Variants in ANK1 observed in about 807,000 individuals in gnomAD.
ANK1 encodes the protein ankyrin-1.
Under a neutral mutation model 210.4 loss-of-function variants are expected in ANK1, and 51 were observed. The observed-to-expected ratio is 0.24, with a 90% CI of 0.19 to 0.31. The LOEUF is 0.31. Among genes scored for constraint, ANK1 ranks in the 10% least tolerant of loss-of-function variants. ANK1 has a pLI of 1.00. For synonymous variants in ANK1, 967 were observed against 1,025.9 expected (o/e 0.94, Z 1.10); for missense variants, 2,051 against 2,504.4 (o/e 0.82, Z 3.86).
chr8:41,795,417 G>A (rs994845491), intron 1 of ANK1, among the ~76,000 whole-genome samples: 7 of 152,098 alleles, frequency 4.6e-5, no homozygotes, highest in Non-Finnish European at 7.4e-5. Flanking sequence ...GCTGAGGCAC[G>A]AGGATTGCTT....
intron 22 of ANK1, among the ~76,000 whole-genome samples, chr8:41,701,176 T>C (rs940680782): frequency 6.6e-6 from 1 of 152,204 alleles, no homozygotes; most frequent in Non-Finnish European, 1.5e-5. Context: ...AATAATCCAC[T>C]TAGTATTCGT....
chr8:41,727,622 C>T (rs1192944908), intron 4 of ANK1, among the ~76,000 whole-genome samples: 1 of 152,232 alleles, frequency 6.6e-6, no homozygotes, highest in Non-Finnish European at 1.5e-5. Flanking sequence ...ACACCTCATT[C>T]CCCCAGTCCT....
At chr8:41,800,387 GGTTTCTACCCAA>G (rs1849676677), upstream of ANK1, among the ~76,000 whole-genome samples, 1 of 152,212 alleles carries the variant, frequency 6.6e-6, no homozygotes, top group Non-Finnish European at 1.5e-5. Context: ...CACGGTGCCA[GGTTTCTACCCAA>G]GCCATTTGGA....
intron 35 of ANK1, 116 bp from the exon 36 acceptor site, chr8:41,686,399 G>C: frequency 1.5e-6 from 2 of 1,333,836 alleles, no homozygotes; most frequent in Non-Finnish European, 2.1e-6. Flanking sequence ...GGGAGCACAG[G>C]GAGCTCTGAG....
chr8:41,702,265 C>T, intron 20 of ANK1, 121 bp from the exon 21 acceptor site: 1 of 762,234 alleles, frequency 1.3e-6, no homozygotes, highest in South Asian at 1.7e-5. Flanking sequence ...AGTGGACAGA[C>T]GTCACCGTGG....
intron 1 of ANK1, among the ~76,000 whole-genome samples, chr8:41,894,817 G>A (rs1820148924): frequency 6.6e-6 from 1 of 151,774 alleles, no homozygotes; most frequent in Non-Finnish European, 1.5e-5. Context: ...ACGGGCTCTG[G>A]TATTTTAGAC....
At chr8:41,821,473 C>T (rs1158863637) in intron 1 of ANK1, among the ~76,000 whole-genome samples, 4 of 152,040 alleles carry the variant, frequency 2.6e-5, no homozygotes, top group African/African-American at 9.7e-5. Context: ...GTCATTCAAC[C>T]GTAGGGCTTT....
At chr8:41,745,000 C>A (rs1835741741) in intron 2 of ANK1, among the ~76,000 whole-genome samples, 1 of 152,062 alleles carries the variant, frequency 6.6e-6, no homozygotes, top group Non-Finnish European at 1.5e-5. Context: ...TGAGACATGA[C>A]AACTAAATGC....
chr8:41,803,090 A>AAGG (rs777806034), intron 1 of ANK1, among the ~76,000 whole-genome samples: 30 of 24,940 alleles, frequency 1.2e-3, no homozygotes, highest in Middle Eastern at 0.019. Flanking sequence ...GAAGGGAAGG[A>AAGG]AAGGAAAGGA....
chr8:41,686,820 C>T (rs1312492631), intron 35 of ANK1, among the ~76,000 whole-genome samples: 1 of 152,170 alleles, frequency 6.6e-6, no homozygotes, highest in Non-Finnish European at 1.5e-5. Flanking sequence ...AAATGCAAGG[C>T]AATAATGCAG....
intron 1 of ANK1, among the ~76,000 whole-genome samples, chr8:41,882,283 A>G (rs917676329): frequency 3.3e-5 from 5 of 152,216 alleles, no homozygotes; most frequent in East Asian, 3.9e-4. Flanking sequence ...TGCAGGCCCC[A>G]CGCCCTGGGG....
chr8:41,722,674 C>T (rs1307431721), intron 9 of ANK1, among the ~76,000 whole-genome samples: 2 of 152,328 alleles, frequency 1.3e-5, no homozygotes, highest in East Asian at 1.9e-4. Flanking sequence ...GTACTTAGTG[C>T]CTGTCTTTTC....
chr8:41,738,794 C>T (rs957549709), intron 2 of ANK1, among the ~76,000 whole-genome samples: 6 of 152,178 alleles, frequency 3.9e-5, no homozygotes, highest in East Asian at 3.8e-4. Flanking sequence ...ATCTTTTCGG[C>T]GACTCCATCT....
At chr8:41,893,436 A>G (rs766529600) in intron 1 of ANK1, among the ~76,000 whole-genome samples, 1 of 152,178 alleles carries the variant, frequency 6.6e-6, no homozygotes, top group Non-Finnish European at 1.5e-5. Context: ...CCCTGCGTCG[A>G]GGTGGCTTCT....
chr8:41,874,382 C>T (rs1020965117), intron 1 of ANK1, among the ~76,000 whole-genome samples: 2 of 152,116 alleles, frequency 1.3e-5, no homozygotes, highest in Non-Finnish European at 2.9e-5. Context: ...TGCACTGGGC[C>T]CAGGAAAAAG....
At position 41,686,257 on chromosome 8, in the gene ANK1, C is replaced by T; in HGVS notation, c.4285G>A (p.Val1429Met). ...AELARELQFS[V>M]EDINRIRVEN... is the part of the protein sequence containing the mutation. ...ACTCGGATCCTGTTGATGTCTTCCA[C>T]ACTGAACTGCAGCTCCCGGGCCAAC... Residue 1429 changes from valine (V) to methionine (M), a missense_variant, in exon 36 of 43, where the codon GTG (valine) becomes ATG (methionine). Coordinates refer to ENST00000289734, the MANE Select transcript of ANK1 (RefSeq NM_000037.4). The T allele has an allele frequency of 6.2e-7, 1 of 1,613,960 alleles. No individual in the cohort carries two copies. The highest frequency in any genetic ancestry group is 8.5e-7 in the Non-Finnish European group (1 of 1,180,034).
At chr8:41,859,566 C>T (rs1335284620) in intron 1 of ANK1, among the ~76,000 whole-genome samples, 3 of 152,330 alleles carry the variant, frequency 2.0e-5, no homozygotes, top group African/African-American at 4.8e-5. Context: ...AGGCTGGTCT[C>T]GGACGTCAGG....
chr8:41,671,234 C>T (rs905331009), intron 38 of ANK1, among the ~76,000 whole-genome samples: 1 of 152,172 alleles, frequency 6.6e-6, no homozygotes, highest in Non-Finnish European at 1.5e-5. Flanking sequence ...CTGAAAGCTC[C>T]GTCCTGCCCC....
intron 2 of ANK1, among the ~76,000 whole-genome samples, chr8:41,748,747 T>C (rs1836813200): frequency 6.6e-6 from 1 of 152,172 alleles, no homozygotes; most frequent in Admixed American, 6.5e-5. Flanking sequence ...AAATATTTGT[T>C]GAATGAAGCC....
Sources: gnomAD v4.1 joint callset for allele counts (sites outside exome capture counted in the v4.1 genomes callset) on GRCh38, gnomAD v4.1.1 for gene constraint, MANE v1.5 for transcripts, NCBI Gene and HGNC (gene_info 2026-07-23, HGNC 2026-07-21) for gene names.